The following AGAP1 variants were observed in gnomAD, a reference collection of about 807,000 sequenced individuals.
AGAP1 encodes the protein ArfGAP with GTPase domain, ankyrin repeat and PH domain 1.
A neutral mutation model predicts 105.3 loss-of-function variants in AGAP1; 29 were observed. The observed-to-expected ratio is 0.28, with a 90% confidence interval of 0.21 to 0.38. The LOEUF is 0.38. Ranked by LOEUF, AGAP1 falls within the 10% of genes least tolerant of loss-of-function variation. The pLI is 1.00. For synonymous variants in AGAP1, 509 were observed against 485.9 expected (o/e 1.05, Z -0.63); for missense variants, 998 against 1,165.1 (o/e 0.86, Z 2.09).
chr2:235,630,701 G>C (rs1016114915), intron 1 of AGAP1, among the ~76,000 whole-genome samples: 9 of 152,358 alleles, frequency 5.9e-5, no homozygotes, highest in African/African-American at 2.2e-4. Flanking sequence ...AATTGGTCCT[G>C]CTCCTTCTCT....
intron 12 of AGAP1, among the ~76,000 whole-genome samples, chr2:235,932,692 T>C (rs901598400): frequency 1.3e-5 from 2 of 152,204 alleles, no homozygotes; most frequent in Non-Finnish European, 2.9e-5. Context: ...CAGATTTTCC[T>C]TTTGCACACT....
intron 9 of AGAP1, among the ~76,000 whole-genome samples, chr2:235,858,511 A>T (rs2048780606): frequency 1.3e-5 from 2 of 152,224 alleles, no homozygotes; most frequent in Admixed American, 1.3e-4. Context: ...AAGATGCAGT[A>T]GGTTAGGGGG....
At position 235,551,554 on chromosome 2, in the gene AGAP1, C is replaced by T. The variant is rs111599035; in HGVS notation, c.163+56705C>T. On this transcript the variant is annotated intron_variant, in intron 1 of 17. Coordinates refer to ENST00000304032, the MANE Select transcript of AGAP1 (RefSeq NM_001037131.3). The surrounding 1 kb of genome is among the most constrained non-coding windows in gnomAD (Gnocchi z 4.8). The stretch of plus-strand genomic sequence containing the variant: ...GCTCAAGGGATACACCTACCTCAGC[C>T]TCCCAAAGTGCTGGGATTATAGGCA... Among the ~76,000 whole-genome samples, 8,638 of 152,234 alleles carry T rather than the reference C, an allele frequency of 0.057. 750 individuals are homozygous for T. Among genetic ancestry groups the T allele is most frequent in the African/African-American group, 0.19 (7,887 of 41,504 alleles).
At chr2:235,816,148 A>T (rs1021059084) in intron 9 of AGAP1, among the ~76,000 whole-genome samples, 1 of 152,190 alleles carries the variant, frequency 6.6e-6, no homozygotes, top group Non-Finnish European at 1.5e-5. Flanking sequence ...TTACTGAAAG[A>T]AAGATACAGC....
At position 235,855,031 on chromosome 2, in the gene AGAP1, A is replaced by G. The variant is rs2048628597; in HGVS notation, c.1051-28314A>G. ...CCTCCTTGTATTTGTTACTTCTGAA[A>G]TCTTAATGCCAGTTATTTTAAACTA... is the stretch of plus-strand genomic sequence containing the variant. On this transcript the variant is annotated intron_variant, in intron 9 of 17. Transcript: ENST00000304032. This position sits in a 1 kb window ranked among gnomAD's most constrained non-coding sequence, Gnocchi z 5.0. Among the ~76,000 whole-genome samples, 1 of 152,238 alleles carries G rather than the reference A, an allele frequency of 6.6e-6. No individual in the cohort carries two copies. The highest frequency in any genetic ancestry group is 6.5e-5 in the Admixed American group (1 of 15,288).
chr2:236,081,204 C>A (rs921815889), intron 16 of AGAP1, among the ~76,000 whole-genome samples: 9 of 152,042 alleles, frequency 5.9e-5, no homozygotes, highest in Admixed American at 5.2e-4. Flanking sequence ...CACATCGAAT[C>A]GGGAAGGGAG....
rs564510436 is a variant in AGAP1 at position 235,830,074 on chromosome 2, C to T, written c.1050+22743C>T. On this transcript the variant is annotated intron_variant, in intron 9 of 17. Coordinates refer to ENST00000304032, the MANE Select transcript of AGAP1 (RefSeq NM_001037131.3). The surrounding 1 kb of genome is among the most constrained non-coding windows in gnomAD (Gnocchi z 5.5). The stretch of plus-strand genomic sequence containing the variant: ...GGGACAGCATGATGCAGAGCTTTGG[C>T]GGCTGGCTGATGGAGTCGTTCTCAT... 8.5e-5 allele frequency among the ~76,000 whole-genome samples: 13 copies of T among 152,224 alleles called. No individual in the cohort carries two copies. Among genetic ancestry groups the T allele is most frequent in the Middle Eastern group, 3.4e-3 (1 of 294 alleles).
In AGAP1 at chr2:235,690,962, A is replaced by C. The variant is rs948443441; in HGVS notation, c.164-18217A>C. Among the ~76,000 whole-genome samples the C allele has an allele frequency of 2.6e-5, 4 of 152,130 alleles. No homozygotes were observed. The highest frequency in any genetic ancestry group is 7.2e-5 in the African/African-American group (3 of 41,418). ...TGGCTGCTATTTTAGATATGCCAGG[A>C]GCCTTCTTGGAAGTCGCTCACCACC... On this transcript the variant is annotated intron_variant, in intron 1 of 17. Transcript: ENST00000304032. This position sits in a 1 kb window ranked among gnomAD's most constrained non-coding sequence, Gnocchi z 4.1.
rs1024332036 is a variant in AGAP1, at chr2:235,556,388, C to T, written c.163+61539C>T. 6.6e-6 allele frequency among the ~76,000 whole-genome samples: 1 copy of T among 152,244 alleles called. No individual in the cohort carries two copies. The highest frequency in any genetic ancestry group is 2.4e-5 in the African/African-American group (1 of 41,468). On this transcript the variant is annotated intron_variant, in intron 1 of 17. Coordinates refer to ENST00000304032, the MANE Select transcript of AGAP1 (RefSeq NM_001037131.3). The surrounding 1 kb of genome is among the most constrained non-coding windows in gnomAD (Gnocchi z 5.3). ...ACAGAAGAGAGAGGAGGGACACTGA[C>T]CCCAAGGCCCAGGCCAGTCTCGTCC...
rs775079184 is a variant in AGAP1 at position 235,555,313 on chromosome 2, C to CTT, written c.163+60465_163+60466insTT. ...GTTCGTTGGTCTCCATTTCTAGTGT[C>CTT]TGAGTAAAGGCAGTCCCCAGTCCAG... On this transcript the variant is annotated intron_variant, in intron 1 of 17. Transcript: ENST00000304032. This position sits in a 1 kb window ranked among gnomAD's most constrained non-coding sequence, Gnocchi z 5.1. 1.6e-4 allele frequency among the ~76,000 whole-genome samples: 24 copies of CTT among 152,176 alleles called. No homozygotes were observed. The highest frequency in any genetic ancestry group is 2.9e-4 in the Non-Finnish European group (20 of 68,040).
rs562151113 is a variant in AGAP1 at position 236,083,173 on chromosome 2, A to G, written c.2114+33892A>G. ...CATCTCAAAAAAAAAGAAAAAGAAA[A>G]GAGGCCTCGCCTTCCATTTAGACTG... On this transcript the variant is annotated intron_variant, in intron 16 of 17. Coordinates refer to ENST00000304032, the MANE Select transcript of AGAP1 (RefSeq NM_001037131.3). The surrounding 1 kb of genome is among the most constrained non-coding windows in gnomAD (Gnocchi z 5.3). 1.4e-3 allele frequency among the ~76,000 whole-genome samples: 207 copies of G among 150,964 alleles called. 1 individual carries two copies. The highest frequency in any genetic ancestry group is 4.6e-3 in the African/African-American group (191 of 41,206).
rs2049583509 is a variant in AGAP1, at chr2:235,874,043, G to A, written c.1051-9302G>A. ...CACGCCCAGCCCAGAACCGCATTCT[G>A]TTTTTTGTTTTGTTTTGTTTTTGTT... is the stretch of plus-strand genomic sequence containing the variant. On this transcript the variant is annotated intron_variant, in intron 9 of 17. Coordinates refer to ENST00000304032, the MANE Select transcript of AGAP1 (RefSeq NM_001037131.3). The surrounding 1 kb of genome is among the most constrained non-coding windows in gnomAD (Gnocchi z 4.5). 6.6e-6 allele frequency among the ~76,000 whole-genome samples: 1 copy of A among 150,524 alleles called. No individual in the cohort carries two copies. Among genetic ancestry groups the A allele is most frequent in the Admixed American group, 6.6e-5 (1 of 15,146 alleles).
At chr2:235,811,479 G>T (rs1384821650) in intron 9 of AGAP1, among the ~76,000 whole-genome samples, 1 of 152,180 alleles carries the variant, frequency 6.6e-6, no homozygotes, top group Non-Finnish European at 1.5e-5. Context: ...AGGTTTCAGA[G>T]AATAAAAAAG....
chr2:235,652,064 C>G (rs879899594), intron 1 of AGAP1, among the ~76,000 whole-genome samples: 1 of 152,152 alleles, frequency 6.6e-6, no homozygotes. Flanking sequence ...ATTGCAAACC[C>G]TAGACCATAT....
intron 1 of AGAP1, among the ~76,000 whole-genome samples, chr2:235,584,287 A>G (rs1352295099): frequency 6.6e-6 from 1 of 151,348 alleles, no homozygotes. Flanking sequence ...AATTACATTA[A>G]CAAGTGAATG....
rs2059355400 is a variant in AGAP1 at position 236,101,912 on chromosome 2, A to G, written c.2115-18280A>G. Among the ~76,000 whole-genome samples, 1 of 152,256 alleles carries G rather than the reference A, an allele frequency of 6.6e-6. No homozygotes were observed. Among genetic ancestry groups the G allele is most frequent in the Admixed American group, 6.5e-5 (1 of 15,292 alleles). On this transcript the variant is annotated intron_variant, in intron 16 of 17. Coordinates refer to ENST00000304032, the MANE Select transcript of AGAP1 (RefSeq NM_001037131.3). This position sits in a 1 kb window ranked among gnomAD's most constrained non-coding sequence, Gnocchi z 4.9. ...AGAAACTTCCATTCTGTGTGTGACT[A>G]GCATGGCTTAGCTATGTTTCTGTGC...
rs1956717273 is a variant in AGAP1, at chr2:235,787,442, T to C, written c.674-10317T>C. Reference sequence around the variant, plus strand: ...CATCATAGACACACGCCTCTCTTTATAGCACTTTCTATATCCCACATGCTG... The same window carrying C: ...CATCATAGACACACGCCTCTCTTTACAGCACTTTCTATATCCCACATGCTG... On this transcript the variant is annotated intron_variant, in intron 6 of 17. Coordinates refer to ENST00000304032, the MANE Select transcript of AGAP1 (RefSeq NM_001037131.3). This position sits in a 1 kb window ranked among gnomAD's most constrained non-coding sequence, Gnocchi z 4.4. Among the ~76,000 whole-genome samples, 1 of 152,236 alleles carries C rather than the reference T, an allele frequency of 6.6e-6. No homozygotes were observed. Among genetic ancestry groups the C allele is most frequent in the Non-Finnish European group, 1.5e-5 (1 of 68,048 alleles).
intron 2 of AGAP1, among the ~76,000 whole-genome samples, chr2:235,713,239 G>GCATGAAGCTGA (rs1350285331): frequency 6.6e-6 from 1 of 152,218 alleles, no homozygotes; most frequent in Admixed American, 6.5e-5. Flanking sequence ...GATTTTCCCA[G>GCATGAAGCTGA]CATGAAGCTG....
In AGAP1 at chr2:235,516,076, G is replaced by GCTGCTGCTGCTGCTGCTT. The variant is rs1553556335; in HGVS notation, c.163+21244_163+21245insTCTGCTGCTGCTGCTGCT. On this transcript the variant is annotated intron_variant, in intron 1 of 17. Coordinates refer to ENST00000304032, the MANE Select transcript of AGAP1 (RefSeq NM_001037131.3). ...CTCCTCTGCTGCTGCTGCTGCTGCTGCTGCTGCTGCTGCTGCTGGCCCGCC... is the reference window on the plus strand; with the variant it reads ...CTCCTCTGCTGCTGCTGCTGCTGCTGCTGCTGCTGCTGCTGCTTCTGCTGCTGCTGCTGCTGGCCCGCC... Among the ~76,000 whole-genome samples the GCTGCTGCTGCTGCTGCTT allele has an allele frequency of 1.5e-3, 216 of 140,436 alleles. 1 individual carries two copies. The highest frequency in any genetic ancestry group is 4.9e-3 in the African/African-American group (197 of 40,358). 92.1% of individuals were successfully genotyped at this position (140,436 alleles called of 152,430 possible).
Sources: gnomAD v4.1 joint callset for allele counts (sites outside exome capture counted in the v4.1 genomes callset) on GRCh38, gnomAD v4.1.1 for gene constraint, Gnocchi (gnomAD v3.1) non-coding constraint, MANE v1.5 for transcripts, NCBI Gene and HGNC (gene_info 2026-07-23, HGNC 2026-07-21) for gene names.